Variants in STK38 observed in about 807,000 individuals in gnomAD.
STK38 encodes serine/threonine-protein kinase 38.
A neutral mutation model predicts 59.0 loss-of-function variants in STK38; 26 were observed. The observed-to-expected ratio is 0.44, with a 90% CI of 0.32 to 0.61. The LOEUF is 0.61. STK38 is among the 20% of genes least tolerant of loss of function. The pLI, the probability that STK38 is intolerant of heterozygous loss-of-function variation, is 0.04. For missense variants in STK38, 433 were observed against 566.0 expected, an observed-to-expected ratio of 0.76 and a Z score of 2.38; for synonymous variants, 175 against 176.6, an observed-to-expected ratio of 0.99 and a Z score of 0.07.
intron 2 of STK38, among the ~76,000 whole-genome samples, chr6:36,534,703 T>A (rs758447574): frequency 1.3e-5 from 2 of 152,052 alleles, no homozygotes; most frequent in African/African-American, 2.4e-5. Context: ...ATAAGGAAAC[T>A]GCCTCAACCT....
chr6:36,532,131 C>T (rs1305007791), intron 2 of STK38, among the ~76,000 whole-genome samples: 1 of 151,638 alleles, frequency 6.6e-6, no homozygotes, highest in Non-Finnish European at 1.5e-5. Context: ...GCAATGTGTC[C>T]CTCCAGAACA....
intron 7 of STK38, among the ~76,000 whole-genome samples, chr6:36,512,586 A>G (rs1777138813): frequency 6.6e-6 from 1 of 152,258 alleles, no homozygotes; most frequent in Admixed American, 6.5e-5. Context: ...TATATAAATG[A>G]TTGACACAAA....
At chr6:36,522,872 A>AG (rs1777413073) in intron 4 of STK38, among the ~76,000 whole-genome samples, 1 of 147,636 alleles carries the variant, frequency 6.8e-6, no homozygotes, top group Admixed American at 6.9e-5. Context: ...AAAAAAAAAA[A>AG]AAAAAAGAAG....
intron 2 of STK38, among the ~76,000 whole-genome samples, chr6:36,539,588 G>A (rs1284895677): frequency 6.6e-6 from 1 of 152,052 alleles, no homozygotes; most frequent in African/African-American, 2.4e-5. Context: ...TTTTCCTGAT[G>A]AGGGAACCAA....
intron 8 of STK38, 64 bp downstream of exon 8, chr6:36,507,436 C>A: frequency 7.4e-7 from 1 of 1,351,252 alleles, no homozygotes. Context: ...AATTTGGTTA[C>A]AAGGGAAACA....
intron 2 of STK38, among the ~76,000 whole-genome samples, chr6:36,536,672 T>G (rs1277497496): frequency 6.6e-6 from 1 of 151,958 alleles, no homozygotes; most frequent in Non-Finnish European, 1.5e-5. Context: ...TAGCTGAGAT[T>G]ATAGGCATGC....
At chr6:36,506,997 ATT>A (rs933090830) in intron 8 of STK38, among the ~76,000 whole-genome samples, 2 of 152,158 alleles carry the variant, frequency 1.3e-5, no homozygotes, top group African/African-American at 2.4e-5. Context: ...ATTACCATCA[ATT>A]TTCCAAGTAG....
intron 6 of STK38, 63 bp from the exon 7 acceptor site, chr6:36,515,555 C>CAA (rs771423692): frequency 7.9e-6 from 12 of 1,515,522 alleles, no homozygotes; most frequent in Admixed American, 5.9e-5. Flanking sequence ...CACACACACA[C>CAA]AACATACGAG....
intron 7 of STK38, among the ~76,000 whole-genome samples, chr6:36,514,301 G>A (rs1777192797): frequency 7.0e-6 from 1 of 142,058 alleles, no homozygotes. Context: ...ATGACAGAAT[G>A]AGACCGTCTC....
At chr6:36,500,118 T>G in intron 9 of STK38, 128 bp from the exon 10 acceptor site, 1 of 682,272 alleles carries the variant, frequency 1.5e-6, no homozygotes, top group Non-Finnish European at 2.6e-6. Context: ...GACTGCCCAG[T>G]AGCTTAATGG....
chr6:36,537,750 T>C lies in STK38; in HGVS notation c.131+2322A>G, dbSNP rs190258778. Among the ~76,000 whole-genome samples the C allele has an allele frequency of 1.6e-3, 249 of 151,986 alleles. 1 individual carries two copies. The highest frequency in any genetic ancestry group is 2.1e-3 in the Non-Finnish European group (141 of 67,950). On this transcript the variant is annotated intron_variant, in intron 2 of 13. Coordinates refer to ENST00000229812, the MANE Select transcript of STK38 (RefSeq NM_007271.4). Reference sequence around the variant, plus strand: ...CTGTCTCTACAGAAAATTTTAAAAATTAGCCAAGCATGGTGGCATGCACCT... The same window carrying C: ...CTGTCTCTACAGAAAATTTTAAAAACTAGCCAAGCATGGTGGCATGCACCT...
chr6:36,526,959 T>C (rs2127482921), intron 2 of STK38, among the ~76,000 whole-genome samples: 2 of 150,314 alleles, frequency 1.3e-5, no homozygotes, highest in East Asian at 4.0e-4. Context: ...TTTGGGAGGC[T>C]GAGGAGGGTG....
chr6:36,525,589 A>T lies in STK38; in HGVS notation c.183+2T>A. On this transcript the variant is annotated splice_donor_variant, in intron 3 of 13. Coordinates refer to ENST00000229812, the MANE Select transcript of STK38 (RefSeq NM_007271.4). LOFTEE classifies it high-confidence loss of function. ...AAGGAAAACATTGCCAATATTAATTACCTCCTCATCTTTTAGGCCTTCTTC... is the reference window on the plus strand; with the variant it reads ...AAGGAAAACATTGCCAATATTAATTTCCTCCTCATCTTTTAGGCCTTCTTC... 6.4e-7 allele frequency: 1 copy of T among 1,570,554 alleles called. No homozygotes were observed. The highest frequency in any genetic ancestry group is 8.8e-7 in the Non-Finnish European group (1 of 1,140,598).
At position 36,495,772 on chromosome 6, in the gene STK38, G is replaced by T; in HGVS notation, c.*12C>A. ...AGAACTCTGCTCCACATAGGATTCC[G>T]TGGCAAGAGTACTATTTTGCTGCTT... On this transcript the variant is annotated 3_prime_UTR_variant, in exon 14 of 14. Coordinates refer to ENST00000229812, the MANE Select transcript of STK38 (RefSeq NM_007271.4). 1 of 1,613,522 alleles carries T rather than the reference G, an allele frequency of 6.2e-7. No individual in the cohort carries two copies. Among genetic ancestry groups the T allele is most frequent in the Non-Finnish European group, 8.5e-7 (1 of 1,179,678 alleles).
At chr6:36,529,931 G>C (rs1777626086) in intron 2 of STK38, among the ~76,000 whole-genome samples, 1 of 152,034 alleles carries the variant, frequency 6.6e-6, no homozygotes, top group African/African-American at 2.4e-5. Flanking sequence ...CTGAAAACCA[G>C]GAAAAATAGT....
At chr6:36,500,016 A>T in intron 9 of STK38, 26 bp from the exon 10 acceptor site, 2 of 1,566,638 alleles carry the variant, frequency 1.3e-6, no homozygotes, top group Non-Finnish European at 1.8e-6. Flanking sequence ...CACATCAGCG[A>T]GGCCCAGCCA....
chr6:36,525,520 C>T (rs1777489859), intron 3 of STK38, 71 bp downstream of exon 3: 1 of 1,431,470 alleles, frequency 7.0e-7, no homozygotes, highest in Non-Finnish European at 9.8e-7. Flanking sequence ...TGTACCAAGG[C>T]TAACAACTCA....
chr6:36,501,627 A>T (rs1212878550), intron 9 of STK38, among the ~76,000 whole-genome samples: 1 of 148,708 alleles, frequency 6.7e-6, no homozygotes, highest in African/African-American at 2.5e-5. Context: ...GTTTCACCAC[A>T]TTGGCCAGGC....
At chr6:36,527,207 A>AAAATATAAATAT (rs60162863) in intron 2 of STK38, among the ~76,000 whole-genome samples, 1 of 119,356 alleles carries the variant, frequency 8.4e-6, no homozygotes, top group African/African-American at 3.5e-5. Flanking sequence ...AAAAAAAAAA[A>AAAATATAAATAT]ATATATGTAT....
Sources: gnomAD v4.1 joint callset for allele counts (sites outside exome capture counted in the v4.1 genomes callset) on GRCh38, gnomAD v4.1.1 for gene constraint, MANE v1.5 for transcripts, NCBI Gene and HGNC (gene_info 2026-07-23, HGNC 2026-07-21) for gene names.